SNAPC4: variants seen among roughly 807,000 people sequenced by gnomAD.
The protein encoded by SNAPC4 is snRNA-activating protein complex subunit 4.
In SNAPC4, 127 loss-of-function variants were observed where a neutral mutation model predicts 151.3. The observed-to-expected ratio is 0.84, with a 90% confidence interval of 0.73 to 0.97. SNAPC4 has a LOEUF of 0.97. Among genes scored for constraint, SNAPC4 ranks in the 50% least tolerant of loss-of-function variants. SNAPC4 has a pLI of 0.00. For synonymous variants in SNAPC4, 1,002 were observed against 824.4 expected (o/e 1.22, Z -3.69); for missense variants, 2,186 against 1,935.0 (o/e 1.13, Z -2.43).
chr9:136,395,492 C>CGGGGCAGAGGA, intron 4 of SNAPC4, 69 bp from the exon 5 acceptor site: 2 of 1,572,432 alleles, frequency 1.3e-6, no homozygotes, highest in Non-Finnish European at 1.7e-6. Context: ...GGAGGAGACC[C>CGGGGCAGAGGA]GGGGCAGAGG....
At chr9:136,393,030 GC>G (rs1474150504) in intron 7 of SNAPC4, among the ~76,000 whole-genome samples, 2 of 152,168 alleles carry the variant, frequency 1.3e-5, no homozygotes, top group African/African-American at 4.8e-5. Context: ...TCAGAGCCTC[GC>G]CACAGCCCTC....
At chr9:136,392,249 C>A (rs570381826) in intron 9 of SNAPC4, 143 bp from the exon 10 acceptor site, 11 of 1,034,604 alleles carry the variant, frequency 1.1e-5, no homozygotes, top group African/African-American at 9.4e-5. Context: ...ACTCACTAGG[C>A]CTTGCATAGC....
At chr9:136,392,437 G>T in intron 9 of SNAPC4, 85 bp downstream of exon 9, 1 of 1,326,980 alleles carries the variant, frequency 7.5e-7, no homozygotes, top group Non-Finnish European at 1.1e-6. Context: ...GGAGGGTGTG[G>T]CCTTACCACC....
In SNAPC4 at chr9:136,395,776, A is replaced by G. The variant is rs572766503; in HGVS notation, c.178-6T>C. ...TCGCCCCACCTTTCTTCTTCCTGGT[A>G]ACGAGCCAGAAATGGCATGTGACGA... On this transcript the variant is annotated splice_polypyrimidine_tract_variant and splice_region_variant and intron_variant, in intron 3 of 23. Coordinates refer to ENST00000684778, the MANE Select transcript of SNAPC4 (RefSeq NM_003086.4). 2 of 1,608,122 alleles carry G rather than the reference A, an allele frequency of 1.2e-6. No individual in the cohort carries two copies. Among genetic ancestry groups the G allele is most frequent in the African/African-American group, 1.3e-5 (1 of 74,930 alleles).
At chr9:136,382,177 C>CGACGG in intron 17 of SNAPC4, 76 bp downstream of exon 17, 2 of 1,589,240 alleles carry the variant, frequency 1.3e-6, no homozygotes, top group Non-Finnish European at 1.7e-6. Flanking sequence ...AGGGCATGAT[C>CGACGG]GACGGGGAGA....
chr9:136,377,105 T>G (rs2131460566), intron 22 of SNAPC4, among the ~76,000 whole-genome samples: 1 of 152,150 alleles, frequency 6.6e-6, no homozygotes, highest in African/African-American at 2.4e-5. Flanking sequence ...CTCAGAGAGG[T>G]GACAGCAGAG....
At chr9:136,394,499 G>A (rs557305896) in intron 6 of SNAPC4, among the ~76,000 whole-genome samples, 169 bp from the exon 7 acceptor site, 38 of 152,350 alleles carry the variant, frequency 2.5e-4, no homozygotes, top group Admixed American at 1.0e-3. Context: ...AGCTCCACCC[G>A]AGGCCTGGCG....
intron 13 of SNAPC4, among the ~76,000 whole-genome samples, chr9:136,385,519 T>G (rs1220058778): frequency 2.0e-5 from 3 of 152,074 alleles, no homozygotes; most frequent in Non-Finnish European, 4.4e-5. Context: ...TGTATCAGAA[T>G]TTACAGAAAC....
At chr9:136,380,697 C>G in intron 20 of SNAPC4, 43 bp downstream of exon 20, 1 of 1,119,646 alleles carries the variant, frequency 8.9e-7, no homozygotes, top group Non-Finnish European at 1.4e-6. Flanking sequence ...AACGCCGGGG[C>G]GGGCAGTGGC....
rs1341573433 is a variant in SNAPC4, at chr9:136,395,773, G to C, written c.178-3C>G. 6.2e-7 allele frequency: 1 copy of C among 1,608,266 alleles called. No homozygotes were observed. Among genetic ancestry groups the C allele is most frequent in the Non-Finnish European group, 8.5e-7 (1 of 1,176,218 alleles). On this transcript the variant is annotated splice_polypyrimidine_tract_variant and splice_region_variant and intron_variant, in intron 3 of 23. Coordinates refer to ENST00000684778, the MANE Select transcript of SNAPC4 (RefSeq NM_003086.4). ...GCTTCGCCCCACCTTTCTTCTTCCT[G>C]GTAACGAGCCAGAAATGGCATGTGA...
Position 136,398,342 on chromosome 9 carries a change from G to A in SNAPC4, c.87C>T (p.His29=). The A allele has an allele frequency of 9.3e-6, 15 of 1,613,918 alleles. No individual in the cohort carries two copies. The highest frequency in any genetic ancestry group is 2.2e-5 in the South Asian group (2 of 91,084). The part of the protein sequence containing the change: ...RILDPGSSGS[H]VEISESSLES... ...CGAGACTTGATTCTGAGATCTCCACGTGGGAGCCCGAGGAGCCGGGATCCA... is the reference window on the plus strand; with the variant it reads ...CGAGACTTGATTCTGAGATCTCCACATGGGAGCCCGAGGAGCCGGGATCCA... Residue 29 remains histidine (H), a synonymous_variant, in exon 2 of 24, where the codon CAC becomes CAT. Coordinates refer to ENST00000684778, the MANE Select transcript of SNAPC4 (RefSeq NM_003086.4).
chr9:136,384,596 C>G, intron 14 of SNAPC4, 124 bp downstream of exon 14: 1 of 551,952 alleles, frequency 1.8e-6, no homozygotes, highest in Non-Finnish European at 3.1e-6. Flanking sequence ...CTGCAGTGGG[C>G]TATGGTCGCA....
rs1833441808 is a variant in SNAPC4 at position 136,376,286 on chromosome 9, G to A, written c.*7+63C>T. ...AGCCGAGCAGAGGCCAAGGCCCCCTGCCATCTGGACACCACTCTGTCCCCT... is the reference window on the plus strand; with the variant it reads ...AGCCGAGCAGAGGCCAAGGCCCCCTACCATCTGGACACCACTCTGTCCCCT... On this transcript the variant is annotated intron_variant, in intron 23 of 23. Coordinates refer to ENST00000684778, the MANE Select transcript of SNAPC4 (RefSeq NM_003086.4). 6 of 1,580,818 alleles carry A rather than the reference G, an allele frequency of 3.8e-6. No individual in the cohort carries two copies. In the South Asian group the frequency reaches 4.4e-5, roughly 12 times the overall value.
chr9:136,382,216 T>A (rs748851996), intron 17 of SNAPC4, 37 bp downstream of exon 17: 1 of 1,603,782 alleles, frequency 6.2e-7, no homozygotes, highest in Non-Finnish European at 8.5e-7. Context: ...GCGGGGCACG[T>A]GGTGGCGTGC....
At chr9:136,387,416 C>G (rs1352866041) in intron 13 of SNAPC4, 69 bp downstream of exon 13, 1 of 1,151,308 alleles carries the variant, frequency 8.7e-7, no homozygotes, top group Non-Finnish European at 1.3e-6. Flanking sequence ...CCGCCCACAG[C>G]CCACACCAGA....
At chr9:136,382,369 G>T in intron 16 of SNAPC4, 33 bp from the exon 17 acceptor site, 1 of 1,585,352 alleles carries the variant, frequency 6.3e-7, no homozygotes, top group Non-Finnish European at 8.7e-7. Flanking sequence ...CGAGGCACGC[G>T]GGGTGTACGG....
At chr9:136,395,847 C>T (rs1588767963) in intron 3 of SNAPC4, 77 bp from the exon 4 acceptor site, 3 of 1,438,456 alleles carry the variant, frequency 2.1e-6, no homozygotes, top group East Asian at 2.3e-5. Flanking sequence ...AGTCGCCCAT[C>T]GCTGGGCCTC....
intron 1 of SNAPC4, 97 bp from the exon 2 acceptor site, chr9:136,398,534 C>A: frequency 6.9e-7 from 1 of 1,446,976 alleles, no homozygotes; most frequent in South Asian, 1.3e-5. Flanking sequence ...TGGCAGGAGC[C>A]TGCTCGGCAG....
At position 136,383,652 on chromosome 9, in the gene SNAPC4, C is replaced by T. The variant is rs758923073; in HGVS notation, c.1517G>A (p.Arg506Gln). The change falls in exon 16 of 24, where the codon CGG becomes CAG. Residue 506 changes from arginine (R) to glutamine (Q), a missense_variant. Coordinates refer to ENST00000684778, the MANE Select transcript of SNAPC4 (RefSeq NM_003086.4). The surrounding 1 kb of genome is among the most constrained non-coding windows in gnomAD (Gnocchi z 4.2). ...KIMMGKKQGL[R>Q]RRRRRARHSV... ...GTGACGGGCCCTCCGCCGCCGCCTC[C>T]GGAGACCCTGCTTCTTCTGAGGGGA... is the stretch of plus-strand genomic sequence containing the variant. The T allele has an allele frequency of 3.7e-5, 59 of 1,606,174 alleles. No individual in the cohort carries two copies. Among genetic ancestry groups the T allele is most frequent in the Non-Finnish European group, 4.4e-5 (52 of 1,175,944 alleles).
Sources: gnomAD v4.1 joint callset for allele counts (sites outside exome capture counted in the v4.1 genomes callset) on GRCh38, gnomAD v4.1.1 for gene constraint, Gnocchi (gnomAD v3.1) non-coding constraint, MANE v1.5 for transcripts, NCBI Gene and HGNC (gene_info 2026-07-23, HGNC 2026-07-21) for gene names.